ARHGAP25: variants seen among roughly 807,000 people sequenced by gnomAD.
ARHGAP25 encodes rho GTPase-activating protein 25.
A neutral mutation model predicts 71.0 loss-of-function variants in ARHGAP25; 34 were observed. That is an observed-to-expected ratio of 0.48 (90% CI 0.36 to 0.64). The LOEUF (loss-of-function observed/expected upper bound fraction) is 0.64. ARHGAP25 is among the 30% of genes least tolerant of loss of function. The pLI is 0.00. For missense variants in ARHGAP25, 706 were observed against 805.1 expected (o/e 0.88, Z 1.49); for synonymous variants, 282 against 296.5 (o/e 0.95, Z 0.50).
chr2:68,734,484 G>A (rs375466066), upstream of ARHGAP25, among the ~76,000 whole-genome samples: 34 of 152,276 alleles, frequency 2.2e-4, no homozygotes, highest in African/African-American at 7.9e-4. Flanking sequence ...CCTTACAGCA[G>A]GAAGAATTTA....
intron 2 of ARHGAP25, among the ~76,000 whole-genome samples, chr2:68,716,354 C>G (rs1395157210): frequency 6.6e-6 from 1 of 152,172 alleles, no homozygotes; most frequent in Non-Finnish European, 1.5e-5. Flanking sequence ...AGCAAGATTC[C>G]CTCTGGGACA....
chr2:68,815,432 T>C (rs1681132337), intron 6 of ARHGAP25, among the ~76,000 whole-genome samples: 1 of 144,972 alleles, frequency 6.9e-6, no homozygotes, highest in Non-Finnish European at 1.5e-5. Flanking sequence ...GGCATGTGAA[T>C]TGTGTACTCT....
chr2:68,745,924 A>C (rs1054082592), intron 1 of ARHGAP25, among the ~76,000 whole-genome samples: 1 of 152,202 alleles, frequency 6.6e-6, no homozygotes, highest in East Asian at 1.9e-4. Flanking sequence ...GTGACCTCAC[A>C]TTATGGAAGA....
intron 2 of ARHGAP25, among the ~76,000 whole-genome samples, chr2:68,780,149 C>T (rs1678217828): frequency 6.6e-6 from 1 of 152,236 alleles, no homozygotes; most frequent in Non-Finnish European, 1.5e-5. Flanking sequence ...CCCTCCTAGA[C>T]TTCTTATGAA....
chr2:68,740,338 A>G (rs1320672521), intron 1 of ARHGAP25, among the ~76,000 whole-genome samples: 1 of 152,216 alleles, frequency 6.6e-6, no homozygotes, highest in Non-Finnish European at 1.5e-5. Context: ...GAGAAACAGA[A>G]GGCTTTATAC....
intron 2 of ARHGAP25, among the ~76,000 whole-genome samples, chr2:68,727,300 C>A (rs1468671103): frequency 2.0e-5 from 3 of 152,174 alleles, no homozygotes; most frequent in Non-Finnish European, 4.4e-5. Context: ...TTCAGGCCAT[C>A]TTTTTTTCCC....
intron 9 of ARHGAP25, 76 bp downstream of exon 9, chr2:68,819,395 C>A: frequency 6.6e-7 from 1 of 1,526,448 alleles, no homozygotes; most frequent in Non-Finnish European, 9.1e-7. Flanking sequence ...GGCCTGCTCT[C>A]GGGTGGCAAT....
At chr2:68,804,832 T>C (rs1680247884) in intron 4 of ARHGAP25, among the ~76,000 whole-genome samples, 1 of 152,240 alleles carries the variant, frequency 6.6e-6, no homozygotes, top group Non-Finnish European at 1.5e-5. Context: ...CATTAAATCC[T>C]TCAGCAAAAT....
chr2:68,799,856 G>A (rs1438290247), intron 4 of ARHGAP25, among the ~76,000 whole-genome samples: 1 of 152,178 alleles, frequency 6.6e-6, no homozygotes, highest in East Asian at 1.9e-4. Context: ...GGAAGTGAGA[G>A]AAGAGGGTTC....
chr2:68,800,065 A>G (rs10196657), intron 4 of ARHGAP25, among the ~76,000 whole-genome samples: 143,313 of 152,178 alleles, frequency 0.94, 67,524 homozygotes, highest in African/African-American at 0.96. Flanking sequence ...TTTATTTTGT[A>G]GTTCACTTCT....
intron 4 of ARHGAP25, among the ~76,000 whole-genome samples, chr2:68,789,030 CT>C (rs1452491414): frequency 3.3e-5 from 5 of 151,508 alleles, no homozygotes; most frequent in African/African-American, 1.2e-4. Context: ...GCTATGGAAT[CT>C]TTTTCTTTTT....
At chr2:68,796,767 C>T (rs758015575) in intron 4 of ARHGAP25, among the ~76,000 whole-genome samples, 2 of 152,036 alleles carry the variant, frequency 1.3e-5, no homozygotes, top group African/African-American at 2.4e-5. Context: ...CCAGGCAAGT[C>T]GATTCTTGGG....
At chr2:68,733,825 T>C (rs1387606352), upstream of ARHGAP25, among the ~76,000 whole-genome samples, 1 of 152,242 alleles carries the variant, frequency 6.6e-6, no homozygotes, top group Non-Finnish European at 1.5e-5. Context: ...GCAGCTTAGA[T>C]GCTGGCTAGC....
At chr2:68,745,388 G>A (rs1675753368) in intron 1 of ARHGAP25, among the ~76,000 whole-genome samples, 1 of 152,086 alleles carries the variant, frequency 6.6e-6, no homozygotes, top group Non-Finnish European at 1.5e-5. Context: ...TTACCTCAGT[G>A]AGCCACCATT....
chr2:68,781,119 G>A (rs1678303562), intron 2 of ARHGAP25, among the ~76,000 whole-genome samples: 1 of 152,132 alleles, frequency 6.6e-6, no homozygotes, highest in Non-Finnish European at 1.5e-5. Context: ...CAGGCACGGT[G>A]GCTCATGCCT....
At chr2:68,818,118 A>G (rs775530913) in intron 8 of ARHGAP25, 124 bp downstream of exon 8, 1 of 1,298,102 alleles carries the variant, frequency 7.7e-7, no homozygotes, top group Non-Finnish European at 1.1e-6. Context: ...TCTCATCTGA[A>G]TCATGCAATA....
At chr2:68,816,565 G>T in intron 7 of ARHGAP25, 1 of 562,518 alleles carries the variant, frequency 1.8e-6, no homozygotes, top group Non-Finnish European at 3.2e-6. Flanking sequence ...AAATGAACGT[G>T]CTCCCCCATT....
At chr2:68,726,061 C>G (rs1304926902) in intron 2 of ARHGAP25, among the ~76,000 whole-genome samples, 1 of 152,144 alleles carries the variant, frequency 6.6e-6, no homozygotes, top group Non-Finnish European at 1.5e-5. Context: ...TTCTTTTTCT[C>G]CACAGCCCTT....
chr2:68,762,740 A>G (rs922429442), intron 1 of ARHGAP25, among the ~76,000 whole-genome samples: 7 of 152,204 alleles, frequency 4.6e-5, no homozygotes, highest in African/African-American at 1.7e-4. Context: ...TAGTTCTTCC[A>G]TGAGAACTGT....
Sources: allele counts gnomAD v4.1 joint callset (sites outside exome capture counted in the v4.1 genomes callset), GRCh38; gene constraint gnomAD v4.1.1; transcripts MANE v1.5; gene names NCBI Gene and HGNC (gene_info 2026-07-23, HGNC 2026-07-21).